Variants in PAPSS1 observed in about 807,000 individuals in gnomAD.
PAPSS1 encodes bifunctional 3'-phosphoadenosine 5'-phosphosulfate synthase 1.
PAPSS1 carries 50 observed loss-of-function variants against 72.0 expected under a neutral mutation model. That is an observed-to-expected ratio of 0.69 (90% CI 0.55 to 0.88). PAPSS1 has a LOEUF of 0.88. PAPSS1 is among the 40% of genes least tolerant of loss of function. The pLI, the probability that PAPSS1 is intolerant of heterozygous loss-of-function variation, is 0.00. For missense variants in PAPSS1, 657 were observed against 782.2 expected (o/e 0.84, Z 1.91); for synonymous variants, 261 against 263.6 (o/e 0.99, Z 0.09).
At chr4:107,654,366 A>G (rs958920858) in intron 8 of PAPSS1, among the ~76,000 whole-genome samples, 3 of 152,198 alleles carry the variant, frequency 2.0e-5, no homozygotes, top group Admixed American at 6.5e-5. Flanking sequence ...CACGCTCATT[A>G]TAAGTACATG....
chr4:107,650,020 C>G (rs1003507596), intron 9 of PAPSS1, among the ~76,000 whole-genome samples: 1 of 152,184 alleles, frequency 6.6e-6, no homozygotes, highest in Admixed American at 6.5e-5. Flanking sequence ...ACAGAATGGT[C>G]TAAGAACAGC....
At position 107,654,814 on chromosome 4, in the gene PAPSS1, G is replaced by A. The variant is rs775540810; in HGVS notation, c.982C>T (p.Leu328=). The A allele has an allele frequency of 1.2e-6, 2 of 1,613,946 alleles. No homozygotes were observed. The highest frequency in any genetic ancestry group is 2.2e-5 in the South Asian group (2 of 91,078). Residue 328 remains leucine (L), a synonymous_variant, in exon 8 of 12, where the codon CTG becomes TTG. Transcript: ENST00000265174. The stretch of plus-strand genomic sequence containing the variant: ...GCCACACGGCGGCCCTCATACATCA[G>A]AGCAAATGCTGTACAGCCGTCCAGC... ...ERLDGCTAFA[L]MYEGRRVAIL...
intron 2 of PAPSS1, among the ~76,000 whole-genome samples, chr4:107,698,822 C>T (rs933653471): frequency 2.6e-5 from 4 of 152,140 alleles, no homozygotes; most frequent in African/African-American, 9.7e-5. Flanking sequence ...TCCCCAAGTG[C>T]TTCCATTCTG....
At chr4:107,684,180 T>C (rs1722711955) in intron 4 of PAPSS1, among the ~76,000 whole-genome samples, 1 of 152,186 alleles carries the variant, frequency 6.6e-6, no homozygotes, top group Admixed American at 6.5e-5. Context: ...TGGCACCAAA[T>C]ACATACCTTG....
rs9307313 is a variant in PAPSS1, at chr4:107,719,187, G to GTTTTTTTTTTTTTTT, written c.60+932_60+933insAAAAAAAAAAAAAAA. ...AAAGAACATTTGCCTGAAATTGCTTGTTTTTTTTTTCTTTGATTCATCTAG... is the reference window on the plus strand; with the variant it reads ...AAAGAACATTTGCCTGAAATTGCTTGTTTTTTTTTTTTTTTTTTTTTTTTTCTTTGATTCATCTAG... On this transcript the variant is annotated intron_variant, in intron 1 of 11. Coordinates refer to ENST00000265174, the MANE Select transcript of PAPSS1 (RefSeq NM_005443.5). Among the ~76,000 whole-genome samples, 9 of 146,410 alleles carry GTTTTTTTTTTTTTTT rather than the reference G, an allele frequency of 6.1e-5. 1 individual carries two copies. The highest frequency in any genetic ancestry group is 6.0e-5 in the Non-Finnish European group (4 of 66,562).
intron 5 of PAPSS1, among the ~76,000 whole-genome samples, chr4:107,660,652 C>T (rs1275041872): frequency 1.3e-5 from 2 of 152,164 alleles, no homozygotes; most frequent in Non-Finnish European, 2.9e-5. Context: ...GTGTTTTTCC[C>T]CATTTATACT....
chr4:107,622,827 T>C (rs535223554), intron 11 of PAPSS1, among the ~76,000 whole-genome samples: 1 of 152,360 alleles, frequency 6.6e-6, no homozygotes, highest in Admixed American at 6.5e-5. Flanking sequence ...CACACTTTTA[T>C]ACCTACAGTT....
At position 107,656,989 on chromosome 4, in the gene PAPSS1, G is replaced by T; in HGVS notation, c.802C>A (p.Gln268Lys). 1.2e-6 allele frequency: 2 copies of T among 1,613,052 alleles called. No individual in the cohort carries two copies. The highest frequency in any genetic ancestry group is 1.7e-6 in the Non-Finnish European group (2 of 1,179,076). Residue 268 changes from glutamine (Q) to lysine (K), a missense_variant, in exon 7 of 12, where the codon CAG becomes AAG. By Grantham distance (53) the Gln-to-Lys change is moderately conservative. Around this residue, in one of 7 missense-constraint regions of PAPSS1, gnomAD observed 190 missense variants for 176.7 expected, o/e 1.07. Transcript: ENST00000265174. ...KINKVDMQWV[Q>K]VLAEGWATPL... ...GTTGCCCAACCTTCTGCCAAAACCT[G>T]CACCCACTGCATATCCACCTAGTAA...
Position 107,654,703 on chromosome 4 carries a change from A to AG in PAPSS1, c.1092dup (p.Tyr365LeufsTer3). On this transcript the variant is annotated frameshift_variant, in exon 8 of 12. Coordinates refer to ENST00000265174, the MANE Select transcript of PAPSS1 (RefSeq NM_005443.5). LOFTEE classifies it high-confidence loss of function. ...CGAGGTTTTTTCAGCACCTTAATAT[A>AG]GGGGTGGTTCTTGCATGTCGTTCCC... 1 of 1,612,380 alleles carries AG rather than the reference A, an allele frequency of 6.2e-7. No individual in the cohort carries two copies. Among genetic ancestry groups the AG allele is most frequent in the South Asian group, 1.1e-5 (1 of 91,012 alleles).
chr4:107,705,297 G>C (rs1723312965), intron 1 of PAPSS1, among the ~76,000 whole-genome samples: 1 of 152,206 alleles, frequency 6.6e-6, no homozygotes, highest in Non-Finnish European at 1.5e-5. Context: ...TGTGTGGAGG[G>C]AGCGACATGG....
At chr4:107,673,761 T>G (rs1300079124) in intron 5 of PAPSS1, among the ~76,000 whole-genome samples, 2 of 151,496 alleles carry the variant, frequency 1.3e-5, no homozygotes, top group Non-Finnish European at 2.9e-5. Flanking sequence ...TCACCAAAGT[T>G]GAAATGAAGG....
At chr4:107,688,814 T>C (rs1389421289) in intron 3 of PAPSS1, among the ~76,000 whole-genome samples, 1 of 152,166 alleles carries the variant, frequency 6.6e-6, no homozygotes, top group Non-Finnish European at 1.5e-5. Flanking sequence ...GTCCAAATTC[T>C]TCCTATGTCC....
chr4:107,624,970 T>C (rs1173917730), intron 11 of PAPSS1, among the ~76,000 whole-genome samples: 1 of 152,204 alleles, frequency 6.6e-6, no homozygotes, highest in African/African-American at 2.4e-5. Context: ...GTGGTCAACT[T>C]GATAAGACTC....
At chr4:107,706,406 GCTCT>G (rs1473487417) in intron 1 of PAPSS1, among the ~76,000 whole-genome samples, 1 of 151,994 alleles carries the variant, frequency 6.6e-6, no homozygotes, top group African/African-American at 2.4e-5. Context: ...TTCTATGGAT[GCTCT>G]CTATTGCATT....
chr4:107,614,183 C>T lies in PAPSS1; in HGVS notation c.*66G>A. On this transcript the variant is annotated 3_prime_UTR_variant, in exon 12 of 12. Transcript: ENST00000265174. Reference sequence around the variant, plus strand: ...GACAGACACCACAAAGAAATGCCAACAGAGACTATGTGGTCCCCTCTTGTT... The same window carrying T: ...GACAGACACCACAAAGAAATGCCAATAGAGACTATGTGGTCCCCTCTTGTT... 1 of 1,484,832 alleles carries T rather than the reference C, an allele frequency of 6.7e-7. No individual in the cohort carries two copies. The highest frequency in any genetic ancestry group is 9.2e-7 in the Non-Finnish European group (1 of 1,083,752). The allele number at this position is 1,484,832 out of a possible 1,614,324, so 92.0% of individuals were successfully genotyped here.
chr4:107,656,395 C>CG (rs1196536217), intron 7 of PAPSS1, among the ~76,000 whole-genome samples: 1 of 152,158 alleles, frequency 6.6e-6, no homozygotes, highest in African/African-American at 2.4e-5. Context: ...AGATTACAGG[C>CG]GTGAGCCACT....
intron 10 of PAPSS1, among the ~76,000 whole-genome samples, chr4:107,638,266 A>C (rs902473866): frequency 1.3e-5 from 2 of 152,212 alleles, no homozygotes; most frequent in African/African-American, 4.8e-5. Flanking sequence ...GAAAGAATTA[A>C]ACATACCTTA....
chr4:107,625,912 T>G (rs932240175), intron 11 of PAPSS1, among the ~76,000 whole-genome samples: 14 of 152,090 alleles, frequency 9.2e-5, no homozygotes, highest in African/African-American at 3.1e-4. Context: ...CCGGGCGCGG[T>G]GGCTCATGCC....
intron 11 of PAPSS1, 109 bp from the exon 12 acceptor site, chr4:107,614,496 A>G: frequency 1.3e-6 from 1 of 744,696 alleles, no homozygotes; most frequent in Non-Finnish European, 2.1e-6. Flanking sequence ...AAAAAAAAAT[A>G]CTGAACATAG....
Sources: allele counts gnomAD v4.1 joint callset (sites outside exome capture counted in the v4.1 genomes callset), GRCh38; gene constraint gnomAD v4.1.1; regional missense constraint gnomAD v4.1.1; transcripts MANE v1.5; gene names NCBI Gene and HGNC (gene_info 2026-07-23, HGNC 2026-07-21).